PTER: variants seen among roughly 807,000 people sequenced by gnomAD.
PTER encodes phosphotriesterase related, also known as N-acetyltaurine hydrolase.
Under a neutral mutation model 29.6 loss-of-function variants are expected in PTER, and 38 were observed. That is an observed-to-expected ratio of 1.28 (90% CI 0.99 to 1.68). The LOEUF is 1.68. Among genes scored for constraint, PTER ranks in the 40% most tolerant of loss-of-function variants. The pLI is 0.00. For missense variants in PTER, 482 were observed against 427.8 expected (o/e 1.13, Z -1.12); for synonymous variants, 172 against 154.5 (o/e 1.11, Z -0.84).
chr10:16,496,547 A>G (rs1006492963), intron 3 of PTER, among the ~76,000 whole-genome samples: 3 of 152,168 alleles, frequency 2.0e-5, no homozygotes, highest in Non-Finnish European at 4.4e-5. Flanking sequence ...GCAATTCACC[A>G]GGGGTTTTCT....
intron 3 of PTER, among the ~76,000 whole-genome samples, chr10:16,496,232 C>T (rs1181804957): frequency 2.0e-5 from 3 of 152,218 alleles, no homozygotes; most frequent in Non-Finnish European, 4.4e-5. Context: ...CTAGCCTCCA[C>T]AATCCACCAG....
chr10:16,440,143 G>A (rs779179550), intron 1 of PTER, among the ~76,000 whole-genome samples: 4 of 144,298 alleles, frequency 2.8e-5, no homozygotes, highest in Non-Finnish European at 4.5e-5. Context: ...TTGACTCACT[G>A]CAACCTCTGC....
At chr10:16,484,213 T>C (rs2133448838) in intron 1 of PTER, 124 bp from the exon 2 acceptor site, 1 of 615,052 alleles carries the variant, frequency 1.6e-6, no homozygotes. Flanking sequence ...ATCGTATCTC[T>C]AGTTTTATTG....
downstream of PTER, among the ~76,000 whole-genome samples, chr10:16,516,966 G>A (rs910020324): frequency 3.3e-5 from 5 of 152,156 alleles, no homozygotes; most frequent in Non-Finnish European, 7.4e-5. Context: ...CATGATTTTG[G>A]TATGGCTGCT....
Position 16,486,441 on chromosome 10 carries a change from G to A in PTER, c.522G>A (p.Trp174Ter). 1 of 1,613,972 alleles carries A rather than the reference G, an allele frequency of 6.2e-7. No homozygotes were observed. Residue 174 changes from tryptophan to a stop codon, truncating the protein, a stop_gained, in exon 3 of 5, where the codon TGG becomes TGA. Transcript: ENST00000535784. LOFTEE classifies it high-confidence loss of function. ...CGIIGEIGCS[W>*]PLTESERKVL... Reference sequence around the variant, plus strand: ...TTATTGGAGAAATTGGTTGCTCCTGGCCTTTGACTGAGAGTGAAAGAAAGG... The same window carrying A: ...TTATTGGAGAAATTGGTTGCTCCTGACCTTTGACTGAGAGTGAAAGAAAGG...
chr10:16,515,255 TTAGGGCTTTCCAA>T (rs1836932844), downstream of PTER, among the ~76,000 whole-genome samples: 2 of 152,042 alleles, frequency 1.3e-5, no homozygotes, highest in African/African-American at 2.4e-5. Context: ...GTCTTTTGAT[TTAGGGCTTTCCAA>T]ATCTAATTCA....
chr10:16,438,332 T>C (rs1833726394), intron 1 of PTER, among the ~76,000 whole-genome samples: 1 of 146,500 alleles, frequency 6.8e-6, no homozygotes, highest in Admixed American at 6.7e-5. Context: ...GGTCTCATTA[T>C]TTCACCAAAG....
At chr10:16,478,945 G>A (rs1835378918) in intron 1 of PTER, among the ~76,000 whole-genome samples, 1 of 152,176 alleles carries the variant, frequency 6.6e-6, no homozygotes, top group South Asian at 2.1e-4. Context: ...ACCCAGAGGA[G>A]GAGACCTTTC....
chr10:16,449,428 CTT>C (rs35475659), intron 1 of PTER, among the ~76,000 whole-genome samples: 6 of 101,860 alleles, frequency 5.9e-5, no homozygotes, highest in Admixed American at 1.3e-4. Flanking sequence ...CAATAATTTT[CTT>C]TTTTTTTTTT....
intron 3 of PTER, among the ~76,000 whole-genome samples, chr10:16,501,350 CACACACACACACACACACAT>C (rs977120497): frequency 8.9e-5 from 11 of 123,076 alleles, no homozygotes; most frequent in South Asian, 3.8e-4. Context: ...CACACACACA[CACACACACACACACACACAT>C]GCACACACAC....
intron 1 of PTER, among the ~76,000 whole-genome samples, chr10:16,456,540 T>C (rs1005312192): frequency 6.6e-6 from 1 of 151,712 alleles, no homozygotes; most frequent in Non-Finnish European, 1.5e-5. Context: ...TGCATAGGAG[T>C]TTCCTTTTTT....
intron 1 of PTER, among the ~76,000 whole-genome samples, chr10:16,483,763 T>C (rs1351144706): frequency 6.6e-6 from 1 of 152,120 alleles, no homozygotes; most frequent in African/African-American, 2.4e-5. Context: ...GGAAAATCCC[T>C]TGAACCCAGG....
intron 4 of PTER, among the ~76,000 whole-genome samples, chr10:16,505,894 A>G (rs1836542287): frequency 6.6e-6 from 1 of 152,172 alleles, no homozygotes; most frequent in Admixed American, 6.6e-5. Context: ...TATGGTTTGT[A>G]TGTGATAGTT....
chr10:16,486,265 A>C, intron 2 of PTER, 87 bp from the exon 3 acceptor site: 1 of 1,339,004 alleles, frequency 7.5e-7, no homozygotes, highest in South Asian at 1.4e-5. Context: ...GAATGACAAA[A>C]TAAATAAATT....
At chr10:16,442,836 C>T (rs1179685066) in intron 1 of PTER, among the ~76,000 whole-genome samples, 1 of 151,986 alleles carries the variant, frequency 6.6e-6, no homozygotes, top group Non-Finnish European at 1.5e-5. Flanking sequence ...AAAAATTAGC[C>T]AGGCATACGT....
intron 1 of PTER, among the ~76,000 whole-genome samples, chr10:16,459,556 G>A (rs1834530723): frequency 6.6e-6 from 1 of 152,154 alleles, no homozygotes; most frequent in South Asian, 2.1e-4. Flanking sequence ...GGACTTGTTA[G>A]ATACACCCCT....
intron 3 of PTER, among the ~76,000 whole-genome samples, chr10:16,499,701 C>T (rs1045351865): frequency 3.9e-4 from 60 of 152,172 alleles, no homozygotes; most frequent in African/African-American, 1.3e-3. Context: ...ACCTCAGCCT[C>T]GCAAAGTGCT....
chr10:16,497,315 A>C (rs1191692702), intron 3 of PTER, among the ~76,000 whole-genome samples: 1 of 152,204 alleles, frequency 6.6e-6, no homozygotes, highest in East Asian at 1.9e-4. Flanking sequence ...AATCAAAGTG[A>C]ATCAAGTGAA....
Position 16,505,130 on chromosome 10 carries a change from AC to A in PTER, c.810del (p.Asp270GlufsTer26), listed in dbSNP as rs1368621042. 1.2e-6 allele frequency: 2 copies of A among 1,614,012 alleles called. No homozygotes were observed. Among genetic ancestry groups the A allele is most frequent in the Non-Finnish European group, 1.7e-6 (2 of 1,179,930 alleles). Reference sequence around the variant, plus strand: ...CATTACCAACTCGGCCCAGATATTGACATGCCTGATGATAACAAAAGAATTA... The same window carrying A: ...CATTACCAACTCGGCCCAGATATTGAATGCCTGATGATAACAAAAGAATTA... ...LLHYQLGPDI[D>X]MPDDNKRIRR... On this transcript the variant is annotated frameshift_variant, in exon 4 of 5. Transcript: ENST00000535784. LOFTEE classifies it high-confidence loss of function.
Sources: allele counts gnomAD v4.1 joint callset (sites outside exome capture counted in the v4.1 genomes callset), GRCh38; gene constraint gnomAD v4.1.1; transcripts MANE v1.5; gene names NCBI Gene and HGNC (gene_info 2026-07-23, HGNC 2026-07-21).